Variants in BEAN1 observed in about 807,000 individuals in gnomAD.
BEAN1 encodes brain expressed associated with NEDD4 1.
In BEAN1, 17 loss-of-function variants were observed where a neutral mutation model predicts 17.7. That is an observed-to-expected ratio of 0.96 (90% CI 0.66 to 1.44). BEAN1 has a LOEUF of 1.44. Ranked by LOEUF, BEAN1 falls within the 40% of genes most tolerant of loss-of-function variation. The pLI, the probability that BEAN1 is intolerant of heterozygous loss-of-function variation, is 0.00. For missense variants in BEAN1, 359 were observed against 374.1 expected (o/e 0.96, Z 0.33); for synonymous variants, 142 against 151.8 (o/e 0.94, Z 0.47).
intron 4 of BEAN1, among the ~76,000 whole-genome samples, chr16:66,488,531 A>C (rs13337333): frequency 6.1e-5 from 9 of 147,738 alleles, no homozygotes; most frequent in African/African-American, 2.3e-4. Context: ...AAAAAAAAAA[A>C]AAAAAAAAAC....
intron 2 of BEAN1, among the ~76,000 whole-genome samples, chr16:66,454,230 A>G (rs1284627802): frequency 2.0e-5 from 3 of 152,190 alleles, no homozygotes; most frequent in African/African-American, 7.2e-5. Flanking sequence ...CAGTTGGTGA[A>G]GGCTTCTATG....
intron 2 of BEAN1, chr16:66,437,996 A>C: frequency 2.0e-6 from 1 of 509,406 alleles, no homozygotes; most frequent in South Asian, 2.6e-5. Context: ...ACCCACACAC[A>C]AATAAAAGAC....
chr16:66,435,443 G>C (rs1359975162), intron 1 of BEAN1, among the ~76,000 whole-genome samples: 2 of 152,174 alleles, frequency 1.3e-5, no homozygotes, highest in African/African-American at 2.4e-5. Context: ...TGCCCAGAAG[G>C]CTTCCTTGTA....
chr16:66,470,629 T>C (rs1205699397), intron 3 of BEAN1, among the ~76,000 whole-genome samples: 1 of 152,114 alleles, frequency 6.6e-6, no homozygotes, highest in East Asian at 1.9e-4. Flanking sequence ...AGAGTGCAAA[T>C]AGAACTGATC....
intron 3 of BEAN1, among the ~76,000 whole-genome samples, chr16:66,474,972 T>C (rs986197163): frequency 6.6e-6 from 1 of 152,158 alleles, no homozygotes; most frequent in South Asian, 2.1e-4. Flanking sequence ...ATCATAGAGA[T>C]TGAGCACAGC....
At chr16:66,436,445 T>TTTA (rs1164405472) in intron 1 of BEAN1, among the ~76,000 whole-genome samples, 2 of 141,826 alleles carry the variant, frequency 1.4e-5, no homozygotes, top group African/African-American at 5.1e-5. Context: ...TTTTTTGTAT[T>TTTA]TTTTTTTTTT....
intron 4 of BEAN1, among the ~76,000 whole-genome samples, chr16:66,488,843 G>C (rs1440018234): frequency 2.6e-5 from 4 of 152,172 alleles, no homozygotes; most frequent in Non-Finnish European, 5.9e-5. Flanking sequence ...AACAAGCCCA[G>C]TGAGACTGAT....
chr16:66,479,454 C>T (rs1194162295), intron 4 of BEAN1, among the ~76,000 whole-genome samples: 2 of 151,408 alleles, frequency 1.3e-5, no homozygotes. Flanking sequence ...GGTCCAGTGC[C>T]TGGACAGGGC....
At chr16:66,436,529 C>G (rs570398000) in intron 1 of BEAN1, among the ~76,000 whole-genome samples, 1 of 150,930 alleles carries the variant, frequency 6.6e-6, no homozygotes, top group South Asian at 2.1e-4. Context: ...CTGCCCGCCT[C>G]GGCCTCCCAA....
rs1347471073 is a variant in BEAN1 at position 66,469,601 on chromosome 16, G to A, written c.26-1G>A. On this transcript the variant is annotated splice_acceptor_variant, in intron 2 of 4. Coordinates refer to ENST00000536005, the MANE Select transcript of BEAN1 (RefSeq NM_001178020.3). LOFTEE classifies it high-confidence loss of function. ...TCAGTGTCCTCTCTCTCTGTCCACA[G>A]TAGCACGATACAACCGCACCAGCTA... is the stretch of plus-strand genomic sequence containing the variant. The A allele has an allele frequency of 6.5e-7, 1 of 1,535,452 alleles. No individual in the cohort carries two copies. The highest frequency in any genetic ancestry group is 1.4e-5 in the African/African-American group (1 of 73,046).
downstream of BEAN1, among the ~76,000 whole-genome samples, chr16:66,486,221 T>C (rs1433423570): frequency 6.6e-6 from 1 of 152,108 alleles, no homozygotes; most frequent in African/African-American, 2.4e-5. Context: ...CTCTGTTGTT[T>C]GTTTGTTTGT....
rs141958618 is a variant in BEAN1 at position 66,488,136 on chromosome 16, C to A, written c.148-4826C>A. On this transcript the variant is annotated intron_variant, in intron 4 of 4. Transcript: ENST00000561796. The stretch of plus-strand genomic sequence containing the variant: ...TGGCAGTTCACAGGCATGACAGGTT[C>A]CCCATGAGGGGAATGGAGGACTAAG... Among the ~76,000 whole-genome samples, 1,166 of 151,932 alleles carry A rather than the reference C, an allele frequency of 7.7e-3. 44 individuals are homozygous for A. The highest frequency in any genetic ancestry group is 0.058 in the Admixed American group (885 of 15,236).
At chr16:66,442,059 G>A (rs1486725930) in intron 2 of BEAN1, among the ~76,000 whole-genome samples, 1 of 152,244 alleles carries the variant, frequency 6.6e-6, no homozygotes, top group African/African-American at 2.4e-5. Flanking sequence ...CCCTGACCCA[G>A]GGCAGCCCAG....
At chr16:66,479,000 A>T (rs1963878900) in intron 4 of BEAN1, 1 of 152,384 alleles carries the variant, frequency 6.6e-6, no homozygotes, top group Non-Finnish European at 1.5e-5. Context: ...CTTTCCAGTC[A>T]TACCCACCTG....
At chr16:66,492,165 C>G (rs1318862341) in intron 4 of BEAN1, among the ~76,000 whole-genome samples, 1 of 152,058 alleles carries the variant, frequency 6.6e-6, no homozygotes, top group Non-Finnish European at 1.5e-5. Flanking sequence ...CCTCAGCCCC[C>G]TGAGTAGCTG....
intron 2 of BEAN1, among the ~76,000 whole-genome samples, chr16:66,453,653 T>G (rs1410205782): frequency 1.3e-5 from 2 of 152,136 alleles, no homozygotes; most frequent in Non-Finnish European, 2.9e-5. Context: ...TGAGCCACAG[T>G]GCCTAGCCTA....
intron 2 of BEAN1, among the ~76,000 whole-genome samples, chr16:66,467,108 G>A (rs1963283635): frequency 6.6e-6 from 1 of 152,112 alleles, no homozygotes; most frequent in African/African-American, 2.4e-5. Flanking sequence ...CTCCAGAACA[G>A]GCAAGAATGC....
At chr16:66,493,239 T>A in exon 5 of BEAN1, 6 of 702,958 alleles carry the variant, frequency 8.5e-6, no homozygotes, top group Non-Finnish European at 1.0e-5. Flanking sequence ...GAGAAAAGGC[T>A]GGTGAAGCCC....
At chr16:66,428,721 G>C (rs151320989) in intron 1 of BEAN1, among the ~76,000 whole-genome samples, 1 of 152,232 alleles carries the variant, frequency 6.6e-6, no homozygotes, top group East Asian at 1.9e-4. Flanking sequence ...GCCAATTGTG[G>C]TGGGCTACAG....
Sources: gnomAD v4.1 joint callset for allele counts (sites outside exome capture counted in the v4.1 genomes callset) on GRCh38, gnomAD v4.1.1 for gene constraint, MANE v1.5 for transcripts, NCBI Gene and HGNC (gene_info 2026-07-23, HGNC 2026-07-21) for gene names.